NRXN2: variants seen among roughly 807,000 people sequenced by gnomAD.
The protein encoded by NRXN2 is neurexin 2.
In NRXN2, 29 loss-of-function variants were observed where a neutral mutation model predicts 128.8. The observed-to-expected ratio is 0.23, with a 90% CI of 0.17 to 0.31. The LOEUF (loss-of-function observed/expected upper bound fraction) is 0.31. Among genes scored for constraint, NRXN2 ranks in the 10% least tolerant of loss-of-function variants. The probability of loss-of-function intolerance (pLI) is 1.00; values close to 1 mark genes in which losing one functional copy is unlikely to be tolerated. For missense variants in NRXN2, 1,881 were observed against 2,452.6 expected (o/e 0.77, Z 4.92); for synonymous variants, 1,098 against 1,075.2 (o/e 1.02, Z -0.41).
chr11:64,650,691 A>T, intron 14 of NRXN2, 53 bp from the exon 15 acceptor site: 1 of 1,547,298 alleles, frequency 6.5e-7, no homozygotes, highest in Non-Finnish European at 8.9e-7. Flanking sequence ...GATGCTGGGA[A>T]GGTGGGGTGA....
At chr11:64,639,168 C>T (rs985071357) in intron 17 of NRXN2, among the ~76,000 whole-genome samples, 12 of 152,160 alleles carry the variant, frequency 7.9e-5, no homozygotes, top group Non-Finnish European at 1.5e-5. Flanking sequence ...CCCAGAAAAG[C>T]CATGGCCCTA....
At chr11:64,634,237 G>A (rs1032637495) in intron 18 of NRXN2, among the ~76,000 whole-genome samples, 5 of 152,220 alleles carry the variant, frequency 3.3e-5, no homozygotes, top group Non-Finnish European at 4.4e-5. Context: ...TGGCCAGGGT[G>A]AGCATGTGAA....
chr11:64,642,986 T>A, intron 17 of NRXN2: 1 of 1,011,028 alleles, frequency 9.9e-7, no homozygotes, highest in Non-Finnish European at 1.2e-6. Context: ...CGCCGGGAAA[T>A]CGGGGGTCCG....
chr11:64,673,354 CAAG>C (rs967785601), intron 7 of NRXN2, among the ~76,000 whole-genome samples: 4 of 152,272 alleles, frequency 2.6e-5, no homozygotes, highest in South Asian at 2.1e-4. Context: ...CCCTCTCCCC[CAAG>C]AAGAAGTGCT....
At chr11:64,655,208 A>G (rs559925965) in intron 11 of NRXN2, among the ~76,000 whole-genome samples, 6 of 152,322 alleles carry the variant, frequency 3.9e-5, no homozygotes, top group African/African-American at 1.4e-4. Context: ...TGAGCTCCAC[A>G]CGCGTTGTCA....
intron 22 of NRXN2, among the ~76,000 whole-genome samples, chr11:64,618,467 T>C (rs1182973378): frequency 6.6e-6 from 1 of 152,208 alleles, no homozygotes; most frequent in Non-Finnish European, 1.5e-5. Flanking sequence ...TCAAAGACCG[T>C]TGTCCCCAGA....
At chr11:64,616,500 G>C (rs868819389) in intron 22 of NRXN2, among the ~76,000 whole-genome samples, 1 of 152,168 alleles carries the variant, frequency 6.6e-6, no homozygotes, top group African/African-American at 2.4e-5. Context: ...GCACCTGTGT[G>C]TGTTACACAG....
In NRXN2 at chr11:64,622,692, A is replaced by G. The variant is rs2042539469; in HGVS notation, c.4173+61T>C. The G allele has an allele frequency of 6.4e-7, 1 of 1,563,360 alleles. No individual in the cohort carries two copies. Among genetic ancestry groups the G allele is most frequent in the African/African-American group, 1.3e-5 (1 of 74,580 alleles). ...CTAGGCACCACTACTGTGGCTATGC[A>G]GATATCAACCCCATCCCCACCTATC... On this transcript the variant is annotated intron_variant, in intron 21 of 22. Transcript: ENST00000265459. The surrounding 1 kb of genome is among the most constrained non-coding windows in gnomAD (Gnocchi z 4.3).
rs745446635 is a variant in NRXN2, at chr11:64,622,960, C to A, written c.3966G>T (p.Ala1322=). ...CATTGGGGTCGCTCTCGGCGGCCAGCGCCAGCACCTTGAGCCCATTGTAGT... is the reference window on the plus strand; with the variant it reads ...CATTGGGGTCGCTCTCGGCGGCCAGAGCCAGCACCTTGAGCCCATTGTAGT... ...GLYYNGLKVL[A]LAAESDPNVR... The change falls in exon 21 of 23, where the codon GCG becomes GCT. Residue 1322 remains alanine (A), a synonymous_variant. Transcript: ENST00000265459. This position sits in a 1 kb window ranked among gnomAD's most constrained non-coding sequence, Gnocchi z 4.3. The A allele has an allele frequency of 3.1e-6, 5 of 1,613,300 alleles. No homozygotes were observed. Among genetic ancestry groups the A allele is most frequent in the South Asian group, 1.1e-5 (1 of 90,988 alleles).
intron 6 of NRXN2, among the ~76,000 whole-genome samples, chr11:64,685,226 C>T (rs1275998777): frequency 6.6e-6 from 1 of 152,130 alleles, no homozygotes; most frequent in Admixed American, 6.5e-5. Context: ...CAGGCCAAAG[C>T]CTGCCCACTC....
chr11:64,720,086 G>C (rs1315542063), intron 1 of NRXN2, among the ~76,000 whole-genome samples: 3 of 152,236 alleles, frequency 2.0e-5, no homozygotes, highest in African/African-American at 7.2e-5. Context: ...AGGTAGGGAT[G>C]AGGATCCCAT....
At chr11:64,644,733 C>T (rs980047008) in intron 17 of NRXN2, among the ~76,000 whole-genome samples, 4 of 146,940 alleles carry the variant, frequency 2.7e-5, no homozygotes, top group Non-Finnish European at 4.5e-5. Flanking sequence ...AACAGTGCAG[C>T]GGAGTGAGGA....
At position 64,635,511 on chromosome 11, in the gene NRXN2, G is replaced by A. The variant is rs1221195816; in HGVS notation, c.3404-59C>T. ...TGACATCAGGAGGACGAGGTCAGCA[G>A]GTCCTCAGGGTTGTGACCAGAGGGA... On this transcript the variant is annotated intron_variant, in intron 17 of 22. Transcript: ENST00000265459. This position sits in a 1 kb window ranked among gnomAD's most constrained non-coding sequence, Gnocchi z 4.8. 6.4e-7 allele frequency: 1 copy of A among 1,571,218 alleles called. No homozygotes were observed. Among genetic ancestry groups the A allele is most frequent in the African/African-American group, 1.3e-5 (1 of 74,132 alleles).
intron 4 of NRXN2, among the ~76,000 whole-genome samples, chr11:64,691,563 T>A (rs775157339): frequency 3.3e-5 from 5 of 152,176 alleles, no homozygotes; most frequent in Non-Finnish European, 7.4e-5. Context: ...TGAACTAGAA[T>A]AATACTTGAG....
intron 1 of NRXN2, among the ~76,000 whole-genome samples, chr11:64,715,928 C>G (rs920828142): frequency 6.6e-6 from 1 of 151,292 alleles, no homozygotes; most frequent in Admixed American, 6.6e-5. Flanking sequence ...GACGCCCTCA[C>G]CCCCCCACAC....
At position 64,623,077 on chromosome 11, in the gene NRXN2, G is replaced by T. The variant is rs1451136747; in HGVS notation, c.3849C>A (p.Gly1283=). 1 of 1,597,834 alleles carries T rather than the reference G, an allele frequency of 6.3e-7. No individual in the cohort carries two copies. The highest frequency in any genetic ancestry group is 1.7e-5 in the Admixed American group (1 of 58,002). The stretch of plus-strand genomic sequence containing the variant: ...GGCTGTTGAAGATGGTCAGCTGGCG[G>T]CCTTGCAGGAGTGGAAGGGGGTGAC... ...RVVDEWLLDK[G]RQLTIFNSQA... is the part of the protein sequence containing the mutation. Residue 1283 remains glycine, a splice_region_variant and synonymous_variant, in exon 21 of 23, where the codon GGC becomes GGA. Transcript: ENST00000265459. The surrounding 1 kb of genome is among the most constrained non-coding windows in gnomAD (Gnocchi z 4.9).
intron 2 of NRXN2, among the ~76,000 whole-genome samples, chr11:64,702,109 C>T (rs1300602551): frequency 3.0e-5 from 4 of 133,402 alleles, no homozygotes; most frequent in Admixed American, 7.2e-5. Flanking sequence ...CCCGGCCAGC[C>T]GCCCGTCCGG....
intron 19 of NRXN2, among the ~76,000 whole-genome samples, chr11:64,628,378 C>A (rs1833333985): frequency 6.6e-6 from 1 of 152,140 alleles, no homozygotes; most frequent in Non-Finnish European, 1.5e-5. Flanking sequence ...CAGAGGGTCC[C>A]CCCCCACTCT....
At chr11:64,646,529 G>A (rs1385187091) in intron 17 of NRXN2, 1 of 152,206 alleles carries the variant, frequency 6.6e-6, no homozygotes, top group Non-Finnish European at 1.5e-5. Context: ...AAACAGTCAG[G>A]TGCACCTAAG....
Sources: gnomAD v4.1 joint callset for allele counts (sites outside exome capture counted in the v4.1 genomes callset) on GRCh38, gnomAD v4.1.1 for gene constraint, Gnocchi (gnomAD v3.1) non-coding constraint, MANE v1.5 for transcripts, NCBI Gene and HGNC (gene_info 2026-07-23, HGNC 2026-07-21) for gene names.